The following FOLH1 variants were observed in gnomAD, a reference collection of about 807,000 sequenced individuals.
FOLH1 encodes the protein glutamate carboxypeptidase 2.
A neutral mutation model predicts 93.9 loss-of-function variants in FOLH1; 54 were observed. That is an observed-to-expected ratio of 0.57 (90% CI 0.46 to 0.72). The LOEUF (loss-of-function observed/expected upper bound fraction) is 0.72, where lower values mean the gene tolerates loss of function less well. FOLH1 is among the 30% of genes least tolerant of loss of function. The pLI is 0.00. For missense variants in FOLH1, 571 were observed against 892.5 expected (o/e 0.64, Z 4.59); for synonymous variants, 249 against 303.6 (o/e 0.82, Z 1.87).
chr11:49,173,715 AC>A (rs1859656629), intron 9 of FOLH1, among the ~76,000 whole-genome samples: 1 of 152,174 alleles, frequency 6.6e-6, no homozygotes, highest in African/African-American at 2.4e-5. Context: ...AATTATAAGT[AC>A]TACATTAAGT....
chr11:49,186,155 T>C (rs192717897), intron 5 of FOLH1: 3,464 of 322,364 alleles, frequency 0.011, 33 homozygotes, highest in Non-Finnish European at 0.014. Context: ...GCCAAATTCC[T>C]ATTTGTTCTA....
intron 8 of FOLH1, 110 bp from the exon 9 acceptor site, chr11:49,175,087 A>T: frequency 1.0e-6 from 1 of 973,654 alleles, no homozygotes; most frequent in Non-Finnish European, 1.5e-6. Flanking sequence ...AGTCTGGTAA[A>T]ATAAACTGAA....
At chr11:49,177,525 C>T (rs1490806433) in intron 7 of FOLH1, among the ~76,000 whole-genome samples, 1 of 151,886 alleles carries the variant, frequency 6.6e-6, no homozygotes, top group Non-Finnish European at 1.5e-5. Flanking sequence ...CAGAGCTTCC[C>T]TTCTAACAAA....
At chr11:49,165,628 A>G (rs916789237) in intron 12 of FOLH1, among the ~76,000 whole-genome samples, 1 of 152,144 alleles carries the variant, frequency 6.6e-6, no homozygotes, top group African/African-American at 2.4e-5. Context: ...GTTGGGGGGA[A>G]AAATGGTATT....
At chr11:49,149,452 A>T (rs1259613725) in intron 17 of FOLH1, among the ~76,000 whole-genome samples, 1 of 152,124 alleles carries the variant, frequency 6.6e-6, no homozygotes, top group African/African-American at 2.4e-5. Flanking sequence ...CCACATGCTT[A>T]ATCCCCCTTT....
intron 7 of FOLH1, among the ~76,000 whole-genome samples, chr11:49,177,785 T>TAAA (rs747990555): frequency 3.8e-5 from 4 of 104,058 alleles, no homozygotes; most frequent in African/African-American, 1.7e-4. Flanking sequence ...CCGTCTCTAC[T>TAAA]AAAAAAAAAA....
At chr11:49,201,449 GA>G (rs1863247523) in intron 2 of FOLH1, among the ~76,000 whole-genome samples, 2 of 150,832 alleles carry the variant, frequency 1.3e-5, no homozygotes, top group South Asian at 4.2e-4. Flanking sequence ...TTTATTTGAT[GA>G]ATCAACAATG....
chr11:49,200,469 G>T (rs764303295), intron 2 of FOLH1, 28 bp from the exon 3 acceptor site: 1 of 1,607,622 alleles, frequency 6.2e-7, no homozygotes. Context: ...AAAGTGGTTA[G>T]ATATTAATGT....
chr11:49,147,741 T>C (rs1020535561), intron 18 of FOLH1, among the ~76,000 whole-genome samples: 18 of 151,984 alleles, frequency 1.2e-4, no homozygotes, highest in Non-Finnish European at 2.2e-4. Flanking sequence ...CTGCGCAACA[T>C]AGGGACACCC....
Position 49,208,317 on chromosome 11 carries a change from G to A in FOLH1, c.93C>T (p.Gly31=), listed in dbSNP as rs998951604. The part of the protein sequence containing the change: ...LCAGALVLAG[G]FFLLGFLFGW... ...CGAAGAGGAAGCCGAGGAGAAAGAA[G>A]CCACCCGCCAGCACCAGCGCCCCAG... The change falls in exon 1 of 19, where the codon GGC becomes GGT. Residue 31 remains glycine, a synonymous_variant. Coordinates refer to ENST00000256999, the MANE Select transcript of FOLH1 (RefSeq NM_004476.3). 8.9e-6 allele frequency: 14 copies of A among 1,577,882 alleles called. No individual in the cohort carries two copies. In the African/African-American group the frequency reaches 1.9e-4, roughly 21 times the overall value.
chr11:49,169,502 T>C (rs1349724931), intron 11 of FOLH1, among the ~76,000 whole-genome samples: 2 of 152,192 alleles, frequency 1.3e-5, no homozygotes, highest in African/African-American at 2.4e-5. Flanking sequence ...TCCATATACT[T>C]ATGGTAAGTG....
At chr11:49,152,069 A>G (rs1006547419) in intron 17 of FOLH1, among the ~76,000 whole-genome samples, 13 of 152,228 alleles carry the variant, frequency 8.5e-5, no homozygotes, top group African/African-American at 3.1e-4. Context: ...CTTTTTGCTT[A>G]CTTCATATTT....
chr11:49,157,578 A>T (rs1201796961), intron 14 of FOLH1, among the ~76,000 whole-genome samples: 1 of 151,964 alleles, frequency 6.6e-6, no homozygotes, highest in Non-Finnish European at 1.5e-5. Flanking sequence ...ATTTCAGATT[A>T]TGAATTTTCA....
intron 12 of FOLH1, 108 bp downstream of exon 12, chr11:49,169,087 C>T: frequency 2.3e-6 from 3 of 1,294,078 alleles, no homozygotes; most frequent in Non-Finnish European, 3.3e-6. Flanking sequence ...CAGTAGATTC[C>T]CTAACCACAC....
In FOLH1 at chr11:49,174,927, T is replaced by C. The variant is rs1859822532; in HGVS notation, c.1070A>G (p.Asn357Ser). ...HSTNEVTRIY[N>S]VIGTLRGAVE... is the part of the protein sequence containing the mutation. Reference sequence around the variant, plus strand: ...TGCTCCTCTGAGAGTACCTATCACATTGTAAATTCTTGTCACTTCATTGGT... The same window carrying C: ...TGCTCCTCTGAGAGTACCTATCACACTGTAAATTCTTGTCACTTCATTGGT... The change falls in exon 9 of 19, where the codon AAT becomes AGT. Residue 357 changes from asparagine to serine, a missense_variant. Physicochemically the swap from Asn to Ser is conservative, Grantham distance 46. Around this residue, in one of 2 missense-constraint regions of FOLH1, gnomAD observed 500 missense variants for 822.9 expected, o/e 0.61. Coordinates refer to ENST00000256999, the MANE Select transcript of FOLH1 (RefSeq NM_004476.3). 6.2e-7 allele frequency: 1 copy of C among 1,610,878 alleles called. No homozygotes were observed. Among genetic ancestry groups the C allele is most frequent in the Non-Finnish European group, 8.5e-7 (1 of 1,178,022 alleles).
At chr11:49,185,293 T>A (rs987412078) in intron 6 of FOLH1, among the ~76,000 whole-genome samples, 2 of 152,178 alleles carry the variant, frequency 1.3e-5, no homozygotes, top group Admixed American at 1.3e-4. Context: ...CTGTTTATAT[T>A]CCTTATTCCC....
intron 7 of FOLH1, among the ~76,000 whole-genome samples, chr11:49,180,350 A>G (rs2135150992): frequency 6.6e-6 from 1 of 152,346 alleles, no homozygotes; most frequent in Non-Finnish European, 1.5e-5. Context: ...AATTAAAACC[A>G]CATAATCACA....
intron 17 of FOLH1, among the ~76,000 whole-genome samples, chr11:49,149,540 C>T (rs1856234873): frequency 1.3e-5 from 2 of 152,040 alleles, no homozygotes; most frequent in Non-Finnish European, 2.9e-5. Flanking sequence ...GAACACATGG[C>T]TAGTAGTCCA....
intron 14 of FOLH1, among the ~76,000 whole-genome samples, chr11:49,157,607 A>G (rs903124598): frequency 6.6e-6 from 1 of 151,946 alleles, no homozygotes; most frequent in Non-Finnish European, 1.5e-5. Context: ...ATGTTCAACC[A>G]GTAAGTATAA....
Sources: allele counts gnomAD v4.1 joint callset (sites outside exome capture counted in the v4.1 genomes callset), GRCh38; gene constraint gnomAD v4.1.1; regional missense constraint gnomAD v4.1.1; transcripts MANE v1.5; gene names NCBI Gene and HGNC (gene_info 2026-07-23, HGNC 2026-07-21).